Variants in CHRNA7 observed in about 807,000 individuals in gnomAD.
CHRNA7 encodes the protein cholinergic receptor nicotinic alpha 7 subunit, also known as neuronal acetylcholine receptor subunit alpha-7.
CHRNA7 carries 17 observed loss-of-function variants against 48.0 expected under a neutral mutation model. The ratio of observed to expected loss-of-function variants is 0.35; its 90% CI spans 0.24 to 0.53. CHRNA7 has a LOEUF of 0.53. CHRNA7 is among the 20% of genes least tolerant of loss of function. The pLI, the probability that CHRNA7 is intolerant of heterozygous loss-of-function variation, is 0.92. For synonymous variants in CHRNA7, 75 were observed against 242.3 expected (o/e 0.31, Z 6.41); for missense variants, 155 against 577.7 (o/e 0.27, Z 7.50).
intron 2 of CHRNA7, among the ~76,000 whole-genome samples, chr15:32,058,913 T>C (rs2049830769): frequency 6.6e-6 from 1 of 152,222 alleles, no homozygotes; most frequent in Non-Finnish European, 1.5e-5. Flanking sequence ...CTGATGTTTG[T>C]CTCTTTGATG....
At chr15:32,034,572 A>G (rs1445759540) in intron 2 of CHRNA7, among the ~76,000 whole-genome samples, 1 of 152,082 alleles carries the variant, frequency 6.6e-6, no homozygotes, top group Non-Finnish European at 1.5e-5. Flanking sequence ...GCAAGTTTGC[A>G]TTTCACCTGG....
chr15:32,134,827 A>G (rs2051220724), intron 4 of CHRNA7, among the ~76,000 whole-genome samples: 2 of 152,248 alleles, frequency 1.3e-5, no homozygotes, highest in Admixed American at 1.3e-4. Context: ...TAATATAGCC[A>G]TCAAAATTAA....
intron 2 of CHRNA7, among the ~76,000 whole-genome samples, chr15:32,039,311 G>C (rs184688961): frequency 6.6e-6 from 1 of 151,796 alleles, no homozygotes; most frequent in African/African-American, 2.4e-5. Flanking sequence ...GACTTAATTT[G>C]CTCTTTTTTC....
chr15:32,145,629 G>A lies in CHRNA7; in HGVS notation c.351-8278G>A, dbSNP rs1034800756. Among the ~76,000 whole-genome samples, 8 of 152,234 alleles carry A rather than the reference G, an allele frequency of 5.3e-5. No individual in the cohort carries two copies. The South Asian group carries it at 8.3e-4, about 16-fold the overall frequency. ...TACCTACTCAAGCCTCAGCAGTGGC[G>A]GACACCCCTCCCCACCACCAGGCTG... On this transcript the variant is annotated intron_variant, in intron 4 of 9. Transcript: ENST00000306901.
intron 4 of CHRNA7, among the ~76,000 whole-genome samples, chr15:32,113,135 C>T (rs2050791060): frequency 6.6e-6 from 1 of 152,078 alleles, no homozygotes; most frequent in African/African-American, 2.4e-5. Flanking sequence ...TAGAAGTTAC[C>T]CTGTCACAAT....
chr15:32,153,558 C>G (rs1217397502), intron 4 of CHRNA7: 1 of 347,252 alleles, frequency 2.9e-6, no homozygotes, highest in Non-Finnish European at 5.4e-6. Context: ...GCGTGCCTCA[C>G]CCACCCTCTG....
chr15:32,135,109 C>G (rs1253053448), intron 4 of CHRNA7, among the ~76,000 whole-genome samples: 1 of 152,240 alleles, frequency 6.6e-6, no homozygotes, highest in Non-Finnish European at 1.5e-5. Context: ...GAAAGCAGGT[C>G]TGGAAGCCTG....
At chr15:32,078,288 T>C (rs2050164680) in intron 2 of CHRNA7, among the ~76,000 whole-genome samples, 1 of 152,208 alleles carries the variant, frequency 6.6e-6, no homozygotes, top group Admixed American at 6.5e-5. Flanking sequence ...TTCTAAAAAG[T>C]CATCACCATA....
At position 32,170,482 on chromosome 15, in the gene CHRNA7, A is replaced by C. The variant is rs113629315; in HGVS notation, c.*2024A>C. ...TAGAAACAAGTAGAAGTGTTTTGAT[A>C]TATAAAAGGAATGCTTCATTTCTTA... On this transcript the variant is annotated 3_prime_UTR_variant, in exon 10 of 10. Coordinates refer to ENST00000306901, the MANE Select transcript of CHRNA7 (RefSeq NM_000746.6). 0.081 allele frequency: 12,076 copies of C among 149,968 alleles called. 354 individuals are homozygous for C. Among genetic ancestry groups the C allele is most frequent in the Non-Finnish European group, 0.13 (8,521 of 67,158 alleles). The allele number at this position is 149,968 out of a possible 1,614,324, so 9.3% of individuals were successfully genotyped here. A position where few individuals can be genotyped will look rare whatever the true frequency, so the allele number is the denominator to read the frequency against.
chr15:32,059,816 C>A (rs2049846987), intron 2 of CHRNA7, among the ~76,000 whole-genome samples: 1 of 151,726 alleles, frequency 6.6e-6, no homozygotes, highest in South Asian at 2.1e-4. Flanking sequence ...CCACTTCATC[C>A]TTCAATTCCA....
At chr15:32,140,977 T>C (rs573084118) in intron 4 of CHRNA7, among the ~76,000 whole-genome samples, 6 of 152,336 alleles carry the variant, frequency 3.9e-5, no homozygotes, top group African/African-American at 1.4e-4. Flanking sequence ...TTTGGTGTTT[T>C]AGTCATGAAG....
chr15:32,067,446 A>G (rs2049984507), intron 2 of CHRNA7, among the ~76,000 whole-genome samples: 1 of 152,254 alleles, frequency 6.6e-6, no homozygotes, highest in South Asian at 2.1e-4. Flanking sequence ...TGAAGGAGCA[A>G]TTAATGCATT....
Position 32,131,892 on chromosome 15 carries a change from C to T in CHRNA7, c.350+19993C>T, listed in dbSNP as rs540993025. Reference sequence around the variant, plus strand: ...CGTGTGGTTCAGGCCCCCCACTCAGCCTCTGTTGACACCTGGGAGGGATGG... The same window carrying T: ...CGTGTGGTTCAGGCCCCCCACTCAGTCTCTGTTGACACCTGGGAGGGATGG... On this transcript the variant is annotated intron_variant, in intron 4 of 9. Coordinates refer to ENST00000306901, the MANE Select transcript of CHRNA7 (RefSeq NM_000746.6). Among the ~76,000 whole-genome samples the T allele has an allele frequency of 1.1e-4, 17 of 152,250 alleles. No individual in the cohort carries two copies. In the Middle Eastern group the frequency reaches 0.01, roughly 91 times the overall value.
At chr15:32,127,631 C>T (rs952949515) in intron 4 of CHRNA7, among the ~76,000 whole-genome samples, 1 of 151,888 alleles carries the variant, frequency 6.6e-6, no homozygotes, top group Non-Finnish European at 1.5e-5. Context: ...TCTGTTTGCC[C>T]GTTTTCTAGT....
At chr15:32,045,541 G>GT (rs749524106) in intron 2 of CHRNA7, among the ~76,000 whole-genome samples, 2,984 of 144,692 alleles carry the variant, frequency 0.021, 26 homozygotes, top group Non-Finnish European at 0.03. Flanking sequence ...TCTTCAATAA[G>GT]TTTTTTTTTT....
chr15:32,052,781 A>C (rs1484031003), intron 2 of CHRNA7, among the ~76,000 whole-genome samples: 1 of 152,186 alleles, frequency 6.6e-6, no homozygotes, highest in Non-Finnish European at 1.5e-5. Flanking sequence ...AGATATAGTT[A>C]GATAGAAGGA....
chr15:32,033,475 C>T (rs1901940994), intron 2 of CHRNA7, among the ~76,000 whole-genome samples: 1 of 152,234 alleles, frequency 6.6e-6, no homozygotes, highest in Admixed American at 6.5e-5. Context: ...TGTCTTTCAT[C>T]TGCTGCTTCC....
At chr15:32,123,686 G>A (rs1318370810) in intron 4 of CHRNA7, among the ~76,000 whole-genome samples, 1 of 152,042 alleles carries the variant, frequency 6.6e-6, no homozygotes, top group Non-Finnish European at 1.5e-5. Flanking sequence ...CTTTCCCACA[G>A]ACCTTCTTAT....
At chr15:32,084,258 A>G (rs1448240627) in intron 2 of CHRNA7, among the ~76,000 whole-genome samples, 1 of 152,198 alleles carries the variant, frequency 6.6e-6, no homozygotes, top group African/African-American at 2.4e-5. Context: ...AATATGAACT[A>G]AGAATTGGTA....
Sources: allele counts gnomAD v4.1 joint callset (sites outside exome capture counted in the v4.1 genomes callset), GRCh38; gene constraint gnomAD v4.1.1; transcripts MANE v1.5; gene names NCBI Gene and HGNC (gene_info 2026-07-23, HGNC 2026-07-21).